The following LIN52 variants were observed in gnomAD, a reference collection of about 807,000 sequenced individuals.
LIN52 encodes protein lin-52 homolog.
A neutral mutation model predicts 18.5 loss-of-function variants in LIN52; 4 were observed. The observed-to-expected ratio is 0.22, with a 90% CI of 0.11 to 0.49. The LOEUF is 0.49. Ranked by LOEUF, LIN52 falls within the 20% of genes least tolerant of loss-of-function variation. The probability of loss-of-function intolerance (pLI) is 0.97; values close to 1 mark genes in which losing one functional copy is unlikely to be tolerated. For missense variants in LIN52, 102 were observed against 139.5 expected (o/e 0.73, Z 1.35); for synonymous variants, 34 against 45.5 (o/e 0.75, Z 1.02).
chr14:74,111,540 A>G (rs922617907), intron 5 of LIN52, among the ~76,000 whole-genome samples: 4 of 151,340 alleles, frequency 2.6e-5, no homozygotes, highest in African/African-American at 9.7e-5. Context: ...AGGCTCAAGC[A>G]ATCCTCCCGC....
At chr14:74,182,337 T>C (rs2061321428) in intron 5 of LIN52, among the ~76,000 whole-genome samples, 1 of 152,194 alleles carries the variant, frequency 6.6e-6, no homozygotes, top group Non-Finnish European at 1.5e-5. Flanking sequence ...CCAAGTCCAT[T>C]AGGGAAATTA....
intron 5 of LIN52, among the ~76,000 whole-genome samples, chr14:74,128,629 C>T (rs1381628694): frequency 6.6e-6 from 1 of 152,202 alleles, no homozygotes; most frequent in Non-Finnish European, 1.5e-5. Context: ...TGAATTATAT[C>T]TCAGTAAAGC....
intron 5 of LIN52, among the ~76,000 whole-genome samples, chr14:74,166,189 C>T (rs1225624259): frequency 6.6e-6 from 1 of 151,436 alleles, no homozygotes; most frequent in Non-Finnish European, 1.5e-5. Flanking sequence ...CTGCGCCCAG[C>T]TATTTCATCT....
At position 74,200,035 on chromosome 14, in the gene LIN52, A is replaced by G. The variant is rs2139602759; in HGVS notation, c.*1058A>G. On this transcript the variant is annotated 3_prime_UTR_variant, in exon 6 of 6. Coordinates refer to ENST00000555028, the MANE Select transcript of LIN52 (RefSeq NM_001024674.3). ...ATCTAGCCCATGGCTAAAATCTATTATATGTGTTCTCCATATTTCTTGTAT... is the reference window on the plus strand; with the variant it reads ...ATCTAGCCCATGGCTAAAATCTATTGTATGTGTTCTCCATATTTCTTGTAT... The G allele has an allele frequency of 6.6e-6, 1 of 152,136 alleles. No homozygotes were observed. The highest frequency in any genetic ancestry group is 2.1e-4 in the South Asian group (1 of 4,818). The allele number at this position is 152,136 out of a possible 1,614,324, so 9.4% of individuals were successfully genotyped here. A position where few individuals can be genotyped will look rare whatever the true frequency, so the allele number is the denominator to read the frequency against.
chr14:74,136,559 G>C (rs1169274087), intron 5 of LIN52, among the ~76,000 whole-genome samples: 4 of 152,166 alleles, frequency 2.6e-5, no homozygotes, highest in African/African-American at 9.7e-5. Context: ...GCTGCTGTCA[G>C]CTGTTAAGTT....
chr14:74,130,281 T>TTTTTTTTTGTTG (rs1566856524), intron 5 of LIN52, among the ~76,000 whole-genome samples: 2 of 77,376 alleles, frequency 2.6e-5, no homozygotes, highest in African/African-American at 5.1e-5. Flanking sequence ...TTTTTTGGTT[T>TTTTTTTTTGTTG]TTTTTTTTTT....
At chr14:74,117,166 G>A (rs956675026) in intron 5 of LIN52, among the ~76,000 whole-genome samples, 2 of 152,168 alleles carry the variant, frequency 1.3e-5, no homozygotes, top group Admixed American at 1.3e-4. Context: ...CAAGGTGAAT[G>A]TTTCCCATAC....
At chr14:74,163,596 T>G (rs1194345738) in intron 5 of LIN52, among the ~76,000 whole-genome samples, 1 of 152,186 alleles carries the variant, frequency 6.6e-6, no homozygotes, top group Admixed American at 6.5e-5. Context: ...TAATGTACAC[T>G]CTGGCTTTTC....
intron 5 of LIN52, among the ~76,000 whole-genome samples, chr14:74,163,017 C>G (rs966920510): frequency 6.6e-6 from 1 of 152,144 alleles, no homozygotes; most frequent in African/African-American, 2.4e-5. Flanking sequence ...AAAATGGAAA[C>G]ATAGCCATCA....
At position 74,104,220 on chromosome 14, in the gene LIN52, A is replaced by G. The variant is rs186981087; in HGVS notation, c.283+2982A>G. Among the ~76,000 whole-genome samples, 388 of 152,278 alleles carry G rather than the reference A, an allele frequency of 2.5e-3. 3 individuals are homozygous for G. Among genetic ancestry groups the G allele is most frequent in the African/African-American group, 8.9e-3 (370 of 41,560 alleles). ...CTGGCTACTGTTATTTTTTAAAAAT[A>G]TAACAATAGTTTCATTATTATAACT... On this transcript the variant is annotated intron_variant, in intron 5 of 5. Coordinates refer to ENST00000555028, the MANE Select transcript of LIN52 (RefSeq NM_001024674.3).
At chr14:74,098,919 A>ATAT (rs2060835188) in intron 4 of LIN52, among the ~76,000 whole-genome samples, 1 of 152,182 alleles carries the variant, frequency 6.6e-6, no homozygotes, top group Non-Finnish European at 1.5e-5. Context: ...TTACTGCCAT[A>ATAT]TATTGTCAGT....
At chr14:74,195,356 C>T (rs1284158014) in intron 5 of LIN52, among the ~76,000 whole-genome samples, 1 of 152,120 alleles carries the variant, frequency 6.6e-6, no homozygotes, top group African/African-American at 2.4e-5. Flanking sequence ...CAAGCTACAA[C>T]CATTGTGAAG....
chr14:74,125,420 A>G (rs1489152981), intron 5 of LIN52, among the ~76,000 whole-genome samples: 4 of 152,280 alleles, frequency 2.6e-5, no homozygotes, highest in African/African-American at 7.2e-5. Context: ...TCTTCTTTTG[A>G]GAAGTGTCTG....
chr14:74,104,322 T>C (rs937159606), intron 5 of LIN52, among the ~76,000 whole-genome samples: 1 of 152,206 alleles, frequency 6.6e-6, no homozygotes, highest in Non-Finnish European at 1.5e-5. Flanking sequence ...GACTCATAAA[T>C]GCCTTTATAC....
rs2078946999 is a variant in LIN52, at chr14:74,201,174, A to G, written c.*2197A>G. 1.3e-5 allele frequency: 2 copies of G among 152,202 alleles called. No individual in the cohort carries two copies. The highest frequency in any genetic ancestry group is 2.9e-5 in the Non-Finnish European group (2 of 68,024). The allele number at this position is 152,202 out of a possible 1,614,324, so 9.4% of individuals were successfully genotyped here. ...GTGTGTATATGTATTTCAGGATGTT[A>G]TAGTATTGTACTTTGTATGTGATGG... is the stretch of plus-strand genomic sequence containing the variant. On this transcript the variant is annotated 3_prime_UTR_variant, in exon 6 of 6. Transcript: ENST00000555028.
chr14:74,123,598 G>C (rs1019367036), intron 5 of LIN52, among the ~76,000 whole-genome samples: 4 of 152,182 alleles, frequency 2.6e-5, no homozygotes, highest in Non-Finnish European at 1.5e-5. Flanking sequence ...ATAGATGAGA[G>C]AAGCCAGGAG....
intron 5 of LIN52, among the ~76,000 whole-genome samples, chr14:74,119,093 G>T (rs1049597054): frequency 6.6e-6 from 1 of 150,742 alleles, no homozygotes; most frequent in African/African-American, 2.4e-5. Flanking sequence ...TCCAGCTTTT[G>T]GTTATTACAA....
chr14:74,127,292 G>GCTTTTTC (rs2061034615), intron 5 of LIN52, among the ~76,000 whole-genome samples: 1 of 152,200 alleles, frequency 6.6e-6, no homozygotes, highest in African/African-American at 2.4e-5. Context: ...GCAGGGATGG[G>GCTTTTTC]TCTCCTGAGA....
At position 74,095,969 on chromosome 14, in the gene LIN52, C is replaced by A; in HGVS notation, c.116C>A (p.Ala39Glu). 1 of 1,608,166 alleles carries A rather than the reference C, an allele frequency of 6.2e-7. No individual in the cohort carries two copies. Among genetic ancestry groups the A allele is most frequent in the Non-Finnish European group, 8.5e-7 (1 of 1,176,776 alleles). The change falls in exon 3 of 6, where the codon GCA (alanine) becomes GAA (glutamate). Residue 39 changes from alanine to glutamate, a missense_variant. Transcript: ENST00000555028. ...TTAGTACCAGGTGTTGCTGAATTTG[C>A]AGCTTCCTTCAAAAGTGTAAGTAAT... ...PEQLPGVAEF[A>E]ASFKSPITSS...
Sources: allele counts gnomAD v4.1 joint callset (sites outside exome capture counted in the v4.1 genomes callset), GRCh38; gene constraint gnomAD v4.1.1; transcripts MANE v1.5; gene names NCBI Gene and HGNC (gene_info 2026-07-23, HGNC 2026-07-21).